Variants in NKAIN2 observed in about 807,000 individuals in gnomAD.
NKAIN2 encodes the protein sodium/potassium transporting ATPase interacting 2.
NKAIN2 carries 14 observed loss-of-function variants against 32.6 expected under a neutral mutation model. The observed-to-expected ratio is 0.43, with a 90% confidence interval of 0.28 to 0.67. NKAIN2 has a LOEUF of 0.67. Ranked by LOEUF, NKAIN2 falls within the 30% of genes least tolerant of loss-of-function variation. The probability of loss-of-function intolerance (pLI) is 0.17; values close to 1 mark genes in which losing one functional copy is unlikely to be tolerated. For missense variants in NKAIN2, 198 were observed against 258.3 expected, an observed-to-expected ratio of 0.77 and a Z score of 1.60; for synonymous variants, 80 against 87.2, an observed-to-expected ratio of 0.92 and a Z score of 0.46.
chr6:123,920,725 A>G (rs889023952), intron 1 of NKAIN2, among the ~76,000 whole-genome samples: 1 of 152,208 alleles, frequency 6.6e-6, no homozygotes, highest in Non-Finnish European at 1.5e-5. Flanking sequence ...ACAACTTCAG[A>G]TAGGACCAAA....
At chr6:124,633,392 G>GAT (rs569478580) in intron 3 of NKAIN2, among the ~76,000 whole-genome samples, 218 of 152,202 alleles carry the variant, frequency 1.4e-3, no homozygotes, top group Non-Finnish European at 2.4e-3. Context: ...TGAAGTAGGA[G>GAT]ATACACTTGT....
chr6:123,988,715 A>G (rs144969463), intron 1 of NKAIN2, among the ~76,000 whole-genome samples: 83 of 152,346 alleles, frequency 5.4e-4, no homozygotes, highest in African/African-American at 1.8e-3. Flanking sequence ...TTTTTCAAGC[A>G]TAAATGGATG....
At chr6:124,560,874 T>C (rs148442219) in intron 3 of NKAIN2, among the ~76,000 whole-genome samples, 6 of 152,266 alleles carry the variant, frequency 3.9e-5, no homozygotes, top group Admixed American at 3.9e-4. Context: ...AGTGCCCAGA[T>C]CATTTGAAAA....
At chr6:124,607,699 A>AAT (rs1481062637) in intron 3 of NKAIN2, among the ~76,000 whole-genome samples, 1 of 152,056 alleles carries the variant, frequency 6.6e-6, no homozygotes, top group Admixed American at 6.6e-5. Flanking sequence ...TTTATATATG[A>AAT]ATATATATGC....
intron 3 of NKAIN2, among the ~76,000 whole-genome samples, chr6:124,379,125 G>GTAA (rs1800118034): frequency 1.3e-5 from 1 of 75,794 alleles, no homozygotes. Flanking sequence ...GGAGAGGGGA[G>GTAA]GGGAGGAGAG....
At chr6:124,205,847 G>A (rs1221273543) in intron 1 of NKAIN2, among the ~76,000 whole-genome samples, 2 of 151,782 alleles carry the variant, frequency 1.3e-5, no homozygotes, top group Non-Finnish European at 2.9e-5. Flanking sequence ...TACCTGCTCT[G>A]AATAACAAAA....
intron 3 of NKAIN2, among the ~76,000 whole-genome samples, chr6:124,591,938 C>T (rs1781928457): frequency 6.6e-6 from 1 of 152,104 alleles, no homozygotes; most frequent in African/African-American, 2.4e-5. Context: ...GTAGTCCTAA[C>T]CACTTAAGAA....
chr6:124,127,986 C>A (rs1011039471), intron 1 of NKAIN2, among the ~76,000 whole-genome samples: 2 of 152,114 alleles, frequency 1.3e-5, no homozygotes, highest in African/African-American at 4.8e-5. Flanking sequence ...GCCACCATGC[C>A]CAACTAATTT....
chr6:124,807,199 C>G (rs1582558295), intron 5 of NKAIN2, among the ~76,000 whole-genome samples: 1 of 152,194 alleles, frequency 6.6e-6, no homozygotes, highest in Non-Finnish European at 1.5e-5. Context: ...TTTTTCAGCA[C>G]TACACCACAC....
At chr6:124,676,612 T>C (rs1163738083) in intron 4 of NKAIN2, among the ~76,000 whole-genome samples, 2 of 152,118 alleles carry the variant, frequency 1.3e-5, no homozygotes, top group East Asian at 3.9e-4. Context: ...TATTTATTTA[T>C]TTTTAGAGAC....
chr6:124,128,464 G>A (rs1786295670), intron 1 of NKAIN2, among the ~76,000 whole-genome samples: 1 of 152,006 alleles, frequency 6.6e-6, no homozygotes, highest in African/African-American at 2.4e-5. Flanking sequence ...AATATTTATT[G>A]GGTGTGTCAT....
chr6:124,148,192 G>A (rs1787515957), intron 1 of NKAIN2, among the ~76,000 whole-genome samples: 1 of 151,900 alleles, frequency 6.6e-6, no homozygotes, highest in African/African-American at 2.4e-5. Flanking sequence ...ATGAGATGTA[G>A]CATTAGAGAG....
At chr6:124,814,680 T>C (rs892979241) in intron 5 of NKAIN2, among the ~76,000 whole-genome samples, 3 of 152,096 alleles carry the variant, frequency 2.0e-5, no homozygotes, top group African/African-American at 7.2e-5. Flanking sequence ...CACCCTCATT[T>C]CCCTCCTGGC....
intron 1 of NKAIN2, among the ~76,000 whole-genome samples, chr6:124,172,315 G>A (rs1270289416): frequency 6.6e-6 from 1 of 152,180 alleles, no homozygotes; most frequent in African/African-American, 2.4e-5. Context: ...GAATGAAATA[G>A]AATTGAATAG....
chr6:124,232,162 T>C (rs1792495962), intron 1 of NKAIN2, among the ~76,000 whole-genome samples: 4 of 152,206 alleles, frequency 2.6e-5, no homozygotes, highest in Admixed American at 2.6e-4. Context: ...ACGGGGATTC[T>C]AATTTCCCAG....
intron 5 of NKAIN2, among the ~76,000 whole-genome samples, chr6:124,806,815 CAAA>C (rs527440964): frequency 7.2e-5 from 10 of 139,456 alleles, no homozygotes; most frequent in South Asian, 2.5e-4. Flanking sequence ...AAATGGAAAA[CAAA>C]AAAAGGCAGG....
intron 3 of NKAIN2, among the ~76,000 whole-genome samples, chr6:124,581,380 A>G (rs920262301): frequency 3.6e-4 from 52 of 142,544 alleles, no homozygotes; most frequent in African/African-American, 1.3e-3. Flanking sequence ...CGGAGCTTGC[A>G]GTGAGCCGAG....
At chr6:124,017,345 G>A (rs1780625520) in intron 1 of NKAIN2, among the ~76,000 whole-genome samples, 1 of 152,084 alleles carries the variant, frequency 6.6e-6, no homozygotes, top group Admixed American at 6.6e-5. Context: ...CAGACGAACT[G>A]TATTATTCCT....
At chr6:124,391,749 C>T (rs1415979692) in intron 3 of NKAIN2, among the ~76,000 whole-genome samples, 1 of 151,978 alleles carries the variant, frequency 6.6e-6, no homozygotes, top group Admixed American at 6.6e-5. Context: ...GTGAAAAGAC[C>T]GAGTCTATTT....
Sources: allele counts gnomAD v4.1 joint callset (sites outside exome capture counted in the v4.1 genomes callset), GRCh38; gene constraint gnomAD v4.1.1; transcripts MANE v1.5; gene names NCBI Gene and HGNC (gene_info 2026-07-23, HGNC 2026-07-21).